The following CX3CR1 variants were observed in gnomAD, a reference collection of about 807,000 sequenced individuals.
CX3CR1 encodes the protein C-X3-C motif chemokine receptor 1.
For synonymous variants in CX3CR1, 168 were observed against 178.5 expected, an observed-to-expected ratio of 0.94 and a Z score of 0.47; for missense variants, 363 against 432.4, an observed-to-expected ratio of 0.84 and a Z score of 1.42.
upstream of CX3CR1, among the ~76,000 whole-genome samples, chr3:39,283,815 ATATATATATATATATATATATATAT>A (rs1559371981): frequency 1.5e-4 from 10 of 67,662 alleles, 1 homozygote; most frequent in Middle Eastern, 8.3e-3. Context: ...ATATATATAT[ATATATATATATATATATATATATAT>A]AATGTGGTTA....
At chr3:39,272,105 C>T (rs1344821615) in intron 1 of CX3CR1, among the ~76,000 whole-genome samples, 1 of 152,186 alleles carries the variant, frequency 6.6e-6, no homozygotes, top group African/African-American at 2.4e-5. Context: ...AGCTGGGTTT[C>T]ATATCCACAA....
At chr3:39,286,535 C>A (rs1355093893), upstream of CX3CR1, 4 of 151,386 alleles carry the variant, frequency 2.6e-5, no homozygotes, top group Non-Finnish European at 5.9e-5. Context: ...CCTGTAGTCC[C>A]AGCTACTCGG....
chr3:39,290,876 G>A, the CX3CR1 span, among the ~76,000 whole-genome samples: 2 of 151,756 alleles, frequency 1.3e-5, no homozygotes, highest in Non-Finnish European at 2.9e-5. Context: ...AGCTGAGATC[G>A]CGCCATTGCA....
the CX3CR1 span, among the ~76,000 whole-genome samples, chr3:39,289,243 G>A: frequency 2.6e-5 from 4 of 152,164 alleles, no homozygotes; most frequent in African/African-American, 9.7e-5. Context: ...GGTGCTCTGA[G>A]TAGGGTAATG....
chr3:39,273,037 T>C (rs1416377555), intron 1 of CX3CR1, among the ~76,000 whole-genome samples: 1 of 152,250 alleles, frequency 6.6e-6, no homozygotes, highest in Non-Finnish European at 1.5e-5. Flanking sequence ...AGAGCCAGGA[T>C]CTCAACCCCA....
upstream of CX3CR1, chr3:39,280,376 C>T (rs871610): frequency 0.25 from 248,589 of 985,284 alleles, 32,163 homozygotes; most frequent in East Asian, 0.53. Context: ...TCCCTGCCCA[C>T]GAGAGGGAGC....
At chr3:39,280,056 G>A (rs1390589117), upstream of CX3CR1, 1 of 984,124 alleles carries the variant, frequency 1.0e-6, no homozygotes, top group Non-Finnish European at 1.2e-6. Flanking sequence ...CCCTCTAAGA[G>A]CATTTTATTT....
chr3:39,268,454 C>T (rs2040731320), intron 1 of CX3CR1, among the ~76,000 whole-genome samples: 1 of 152,184 alleles, frequency 6.6e-6, no homozygotes, highest in South Asian at 2.1e-4. Context: ...CTACTTAGTG[C>T]CTGCAGCTTG....
rs1422686529 is a variant in CX3CR1, at chr3:39,266,117, G to A, written c.393C>T (p.Ile131=). Residue 131 remains isoleucine (I), a synonymous_variant, in exon 2 of 2, where the codon ATC becomes ATT. Coordinates refer to ENST00000399220, the MANE Select transcript of CX3CR1 (RefSeq NM_001337.4). ...TVISIDRYLA[I]VLAANSMNNR... The stretch of plus-strand genomic sequence containing the variant: ...TGTTCATGGAGTTGGCGGCCAGGAC[G>A]ATGGCCAGGTACCTATCAATGCTGA... The A allele has an allele frequency of 6.2e-6, 10 of 1,614,212 alleles. No homozygotes were observed. Among genetic ancestry groups the A allele is most frequent in the Admixed American group, 3.3e-5 (2 of 60,026 alleles).
upstream of CX3CR1, chr3:39,281,532 A>C: frequency 7.9e-7 from 1 of 1,264,892 alleles, no homozygotes; most frequent in Non-Finnish European, 1.1e-6. Flanking sequence ...ACACATCTCT[A>C]CCTCCATCCA....
chr3:39,283,611 C>T (rs999528180), upstream of CX3CR1, among the ~76,000 whole-genome samples: 5 of 151,050 alleles, frequency 3.3e-5, no homozygotes, highest in Admixed American at 6.6e-5. Flanking sequence ...GAAACCCTGT[C>T]TCTACTAAAA....
At chr3:39,291,664 G>A in the CX3CR1 span, among the ~76,000 whole-genome samples, 3 of 152,204 alleles carry the variant, frequency 2.0e-5, no homozygotes, top group African/African-American at 4.8e-5. Context: ...AAACACATGT[G>A]CAGCTCACTC....
upstream of CX3CR1, chr3:39,281,406 C>T: frequency 9.6e-6 from 7 of 730,466 alleles, no homozygotes; most frequent in Non-Finnish European, 1.5e-5. Context: ...GACTCCCCTC[C>T]TCTTCTGAGG....
upstream of CX3CR1, chr3:39,281,594 C>G: frequency 6.3e-7 from 1 of 1,596,522 alleles, no homozygotes; most frequent in Non-Finnish European, 8.5e-7. Flanking sequence ...CTCTGTCTTT[C>G]CTCTCACCAC....
At chr3:39,266,704 A>C (rs759768092) in intron 1 of CX3CR1, 186 bp from the exon 2 acceptor site, 29 of 769,086 alleles carry the variant, frequency 3.8e-5, no homozygotes, top group South Asian at 3.7e-4. Flanking sequence ...AGACTGCAAC[A>C]GACTCTTCTG....
upstream of CX3CR1, among the ~76,000 whole-genome samples, chr3:39,283,779 C>CAA (rs58482042): frequency 4.3e-3 from 178 of 40,992 alleles, 1 homozygote; most frequent in East Asian, 0.011. Context: ...GACTCCATCT[C>CAA]AAAAAAAAAA....
the CX3CR1 span, among the ~76,000 whole-genome samples, chr3:39,291,065 T>C: frequency 6.6e-6 from 1 of 151,838 alleles, no homozygotes; most frequent in Admixed American, 6.6e-5. Context: ...TTCTTTTCTT[T>C]TTTTTTTTGA....
chr3:39,271,083 A>G (rs2040770094), intron 1 of CX3CR1, among the ~76,000 whole-genome samples: 1 of 152,130 alleles, frequency 6.6e-6, no homozygotes, highest in Non-Finnish European at 1.5e-5. Context: ...GCCCTTCCCC[A>G]TTCCTTTTTC....
chr3:39,283,832 T>TATAC, upstream of CX3CR1, among the ~76,000 whole-genome samples: 1 of 109,420 alleles, frequency 9.1e-6, no homozygotes, highest in Middle Eastern at 4.7e-3. Flanking sequence ...TATATATATA[T>TATAC]ATATATATAA....
Sources: allele counts gnomAD v4.1 joint callset (sites outside exome capture counted in the v4.1 genomes callset), GRCh38; gene constraint gnomAD v4.1.1; transcripts MANE v1.5; gene names NCBI Gene and HGNC (gene_info 2026-07-23, HGNC 2026-07-21).